COL9A1: variants seen among roughly 807,000 people sequenced by gnomAD.
COL9A1 encodes the protein collagen type IX alpha 1 chain.
COL9A1 carries 104 observed loss-of-function variants against 142.6 expected under a neutral mutation model. The observed-to-expected ratio is 0.73, with a 90% CI of 0.62 to 0.86. The LOEUF is 0.86. Among genes scored for constraint, COL9A1 ranks in the 40% least tolerant of loss-of-function variants. The pLI is 0.00. For synonymous variants in COL9A1, 466 were observed against 396.0 expected (o/e 1.18, Z -2.10); for missense variants, 1,210 against 1,176.6 (o/e 1.03, Z -0.42).
intron 28 of COL9A1, among the ~76,000 whole-genome samples, chr6:70,243,445 G>C (rs1489856814): frequency 1.3e-5 from 2 of 152,050 alleles, no homozygotes; most frequent in Non-Finnish European, 2.9e-5. Context: ...AATCTATTGA[G>C]AAAAAGAAAC....
intron 10 of COL9A1, among the ~76,000 whole-genome samples, chr6:70,278,377 C>T (rs992819762): frequency 1.3e-5 from 2 of 152,170 alleles, no homozygotes; most frequent in African/African-American, 4.8e-5. Flanking sequence ...GAGGAAACCA[C>T]TTGTCTTCAT....
In COL9A1 at chr6:70,240,693, T is replaced by G; in HGVS notation, c.2075A>C (p.Glu692Ala). ...ACCAGAAAAAAAAAATCTTACAAGT[T>G]CCCCCCTTTCTCCTGCTTCACCTTC... ...GEEGEAGERGELGDIGLPGPK... is the reference protein window; with the variant it reads ...GEEGEAGERGALGDIGLPGPK... The change falls in exon 32 of 38, where the codon GAA becomes GCA. Residue 692 changes from glutamate to alanine, a missense_variant. By Grantham distance (107) the Glu-to-Ala change is moderately radical. Transcript: ENST00000357250. The G allele has an allele frequency of 6.2e-7, 1 of 1,611,776 alleles. No homozygotes were observed. The highest frequency in any genetic ancestry group is 8.5e-7 in the Non-Finnish European group (1 of 1,178,680).
At chr6:70,247,767 T>G (rs939238573) in intron 28 of COL9A1, among the ~76,000 whole-genome samples, 1 of 152,214 alleles carries the variant, frequency 6.6e-6, no homozygotes, top group African/African-American at 2.4e-5. Context: ...ATTTCTCTTG[T>G]GTATGTTTAC....
At chr6:70,271,505 T>C in intron 14 of COL9A1, 150 bp downstream of exon 14, 1 of 697,986 alleles carries the variant, frequency 1.4e-6, no homozygotes, top group East Asian at 2.7e-5. Flanking sequence ...TTATTATTCC[T>C]GGTTCACATC....
chr6:70,231,420 G>T (rs939159520), intron 36 of COL9A1, among the ~76,000 whole-genome samples: 1 of 152,138 alleles, frequency 6.6e-6, no homozygotes, highest in Non-Finnish European at 1.5e-5. Context: ...CAAAGAAAAT[G>T]TTCAGTTCTC....
At chr6:70,280,433 G>A (rs1773071476) in intron 10 of COL9A1, 1 of 1,201,932 alleles carries the variant, frequency 8.3e-7, no homozygotes, top group South Asian at 2.5e-5. Context: ...CCAGGAGCCT[G>A]CCAGTGGGCT....
At chr6:70,241,299 T>A in intron 31 of COL9A1, 120 bp downstream of exon 31, 1 of 839,394 alleles carries the variant, frequency 1.2e-6, no homozygotes, top group Non-Finnish European at 2.1e-6. Flanking sequence ...ATGAACACAT[T>A]GAGAAAAACT....
At position 70,300,162 on chromosome 6, in the gene COL9A1, G is replaced by A; in HGVS notation, c.180C>T (p.Ile60=). The A allele has an allele frequency of 6.2e-7, 1 of 1,613,722 alleles. No individual in the cohort carries two copies. Among genetic ancestry groups the A allele is most frequent in the Non-Finnish European group, 8.5e-7 (1 of 1,179,882 alleles). ...CTGCTTTATCTACCTGGAACTGAGA[G>A]ATCAGATCAAACCCTATAGAATGGG... The part of the protein sequence containing the change: ...GQDDLPGFDL[I]SQFQVDKAAS... Residue 60 remains isoleucine, a synonymous_variant, in exon 4 of 38, where the codon ATC becomes ATT. Coordinates refer to ENST00000357250, the MANE Select transcript of COL9A1 (RefSeq NM_001851.6).
In COL9A1 at chr6:70,257,513, G is replaced by A. The variant is rs572515954; in HGVS notation, c.1450-692C>T. Among the ~76,000 whole-genome samples, 106 of 152,180 alleles carry A rather than the reference G, an allele frequency of 7.0e-4. 1 individual carries two copies. Among genetic ancestry groups the A allele is most frequent in the African/African-American group, 2.4e-3 (101 of 41,526 alleles). ...ACATTTCTATAGAAATTAATTAACC[G>A]CCAGGTGGGGGGATCACATGAGACC... On this transcript the variant is annotated intron_variant, in intron 20 of 37. Transcript: ENST00000357250.
intron 32 of COL9A1, among the ~76,000 whole-genome samples, chr6:70,240,041 C>T (rs6914595): frequency 2.7e-4 from 41 of 152,170 alleles, no homozygotes; most frequent in African/African-American, 9.2e-4. Flanking sequence ...TCTGAAAAAT[C>T]TATTACCCTA....
Position 70,252,142 on chromosome 6 carries a change from G to A in COL9A1, c.1850C>T (p.Pro617Leu). Residue 617 changes from proline to leucine, a missense_variant, in exon 28 of 38, where the codon CCC (proline) becomes CTC (leucine). Coordinates refer to ENST00000357250, the MANE Select transcript of COL9A1 (RefSeq NM_001851.6). ...GQQGPPGEVGPRGPQGLPGSR... is the reference protein window; with the variant it reads ...GQQGPPGEVGLRGPQGLPGSR... ...CACAGGAAGCCCCTGGGGTCCTCGG[G>A]GTCCCACCTCTCCTGGAGGCCCCTG... 6.2e-7 allele frequency: 1 copy of A among 1,614,136 alleles called. No individual in the cohort carries two copies. The highest frequency in any genetic ancestry group is 8.5e-7 in the Non-Finnish European group (1 of 1,180,006).
intron 8 of COL9A1, 45 bp from the exon 9 acceptor site, chr6:70,281,084 A>T (rs757418605): frequency 1.3e-6 from 2 of 1,541,286 alleles, no homozygotes; most frequent in East Asian, 4.5e-5. Flanking sequence ...TGAGCGGGAT[A>T]GGCTGAGGAC....
At chr6:70,245,972 A>T (rs1379206579) in intron 28 of COL9A1, 1 of 152,206 alleles carries the variant, frequency 6.6e-6, no homozygotes, top group African/African-American at 2.4e-5. Context: ...AAAAATAATG[A>T]TGAACCATAA....
At chr6:70,218,832 C>T (rs1215904331) in intron 37 of COL9A1, among the ~76,000 whole-genome samples, 3 of 152,144 alleles carry the variant, frequency 2.0e-5, no homozygotes, top group Non-Finnish European at 4.4e-5. Context: ...CTTCGATCCA[C>T]ACAAAGCAAT....
chr6:70,294,306 C>A lies in COL9A1; in HGVS notation c.557G>T (p.Gly186Val). Residue 186 changes from glycine to valine, a missense_variant, in exon 5 of 38, where the codon GGC becomes GTC. Physicochemically the swap from Gly to Val is moderately radical, Grantham distance 109 (BLOSUM62 -3). Transcript: ENST00000357250. Reference sequence around the variant, plus strand: ...AAGAGTAGCACTACTCCTCTCCACGCCAATCATGATCTTATGCCACTGGGA... The same window carrying A: ...AAGAGTAGCACTACTCCTCTCCACGACAATCATGATCTTATGCCACTGGGA... ...FDSQWHKIMI[G>V]VERSSATLFV... 6.2e-7 allele frequency: 1 copy of A among 1,614,042 alleles called. No homozygotes were observed. The highest frequency in any genetic ancestry group is 8.5e-7 in the Non-Finnish European group (1 of 1,179,960).
intron 17 of COL9A1, among the ~76,000 whole-genome samples, chr6:70,267,558 G>A (rs1772109760): frequency 6.6e-6 from 1 of 152,074 alleles, no homozygotes; most frequent in African/African-American, 2.4e-5. Context: ...CCAACGTCAG[G>A]TGATCCACCC....
intron 28 of COL9A1, 37 bp from the exon 29 acceptor site, chr6:70,242,752 C>A (rs1310981465): frequency 3.1e-6 from 5 of 1,599,116 alleles, no homozygotes; most frequent in African/African-American, 2.7e-5. Flanking sequence ...GGATATTTTG[C>A]CAAAATTCAA....
At chr6:70,285,695 A>C (rs769542656) in intron 5 of COL9A1, among the ~76,000 whole-genome samples, 1 of 152,232 alleles carries the variant, frequency 6.6e-6, no homozygotes, top group Non-Finnish European at 1.5e-5. Context: ...CAAGACAAGA[A>C]AAATACAAGT....
In COL9A1 at chr6:70,263,235, A is replaced by C; in HGVS notation, c.1395+9T>G. The C allele has an allele frequency of 6.3e-7, 1 of 1,592,420 alleles. No homozygotes were observed. The highest frequency in any genetic ancestry group is 8.6e-7 in the Non-Finnish European group (1 of 1,166,520). On this transcript the variant is annotated intron_variant, in intron 19 of 37. Coordinates refer to ENST00000357250, the MANE Select transcript of COL9A1 (RefSeq NM_001851.6). The stretch of plus-strand genomic sequence containing the variant: ...ATCCTAGTTAAATATTTTTTAAAAA[A>C]TACTTTACTGGAGGTCCTTGAGCTC...
Sources: allele counts gnomAD v4.1 joint callset (sites outside exome capture counted in the v4.1 genomes callset), GRCh38; gene constraint gnomAD v4.1.1; transcripts MANE v1.5; gene names NCBI Gene and HGNC (gene_info 2026-07-23, HGNC 2026-07-21).